The following MYO9B variants were observed in gnomAD, a reference collection of about 807,000 sequenced individuals.
MYO9B encodes myosin IXB.
Under a neutral mutation model 229.5 loss-of-function variants are expected in MYO9B, and 71 were observed. The observed-to-expected ratio is 0.31, with a 90% CI of 0.26 to 0.38. The LOEUF (loss-of-function observed/expected upper bound fraction) is 0.38, where lower values mean the gene tolerates loss of function less well. Among genes scored for constraint, MYO9B ranks in the 10% least tolerant of loss-of-function variants. The pLI is 1.00. For missense variants in MYO9B, 2,255 were observed against 2,920.5 expected, an observed-to-expected ratio of 0.77 and a Z score of 5.25; for synonymous variants, 1,185 against 1,235.8, an observed-to-expected ratio of 0.96 and a Z score of 0.86.
At chr19:17,112,116 C>T (rs1380920061) in intron 2 of MYO9B, among the ~76,000 whole-genome samples, 1 of 152,158 alleles carries the variant, frequency 6.6e-6, no homozygotes, top group Non-Finnish European at 1.5e-5. Context: ...GCCAGGCCAA[C>T]CTCCCCCATC....
At chr19:17,189,425 C>G (rs1180034322) in intron 19 of MYO9B, among the ~76,000 whole-genome samples, 1 of 151,378 alleles carries the variant, frequency 6.6e-6, no homozygotes, top group Non-Finnish European at 1.5e-5. Context: ...TGCTTGAGCT[C>G]AGGAGCTTAA....
At chr19:17,126,468 C>T (rs1288580420) in intron 2 of MYO9B, among the ~76,000 whole-genome samples, 1 of 152,174 alleles carries the variant, frequency 6.6e-6, no homozygotes, top group Admixed American at 6.6e-5. Context: ...GAAAACCAGA[C>T]AGTCTGTATT....
rs2072900836 is a variant in MYO9B at position 17,184,920 on chromosome 19, G to A, written c.2429G>A (p.Arg810His). 5 of 1,613,858 alleles carry A rather than the reference G, an allele frequency of 3.1e-6. No homozygotes were observed. The highest frequency in any genetic ancestry group is 2.2e-5 in the East Asian group (1 of 44,872). ...KLIISMTLHD[R>H]TTKSLLHLHK... The stretch of plus-strand genomic sequence containing the variant: ...ATCATCAGCATGACTCTGCACGACC[G>A]CACCACCAAGTCCCTACTGCACCTG... The change falls in exon 17 of 40, where the codon CGC (arginine) becomes CAC (histidine). Residue 810 changes from arginine (R) to histidine (H), a missense_variant. This residue lies in a region of MYO9B where 68 missense variants were observed against 133.5 expected (regional missense o/e 0.51). Coordinates refer to ENST00000682292, the MANE Select transcript of MYO9B (RefSeq NM_004145.4).
rs2057742748 is a variant in MYO9B at position 17,101,357 on chromosome 19, G to C, written c.-58-303G>C. 6.6e-6 allele frequency among the ~76,000 whole-genome samples: 1 copy of C among 151,898 alleles called. No individual in the cohort carries two copies. Among genetic ancestry groups the C allele is most frequent in the South Asian group, 2.1e-4 (1 of 4,810 alleles). Reference sequence around the variant, plus strand: ...TATGCCTTTATTTTTTGTAGAGACGGGGTCTCGCTATGTTGCCCAGGCTGG... The same window carrying C: ...TATGCCTTTATTTTTTGTAGAGACGCGGTCTCGCTATGTTGCCCAGGCTGG... On this transcript the variant is annotated intron_variant, in intron 1 of 39. Transcript: ENST00000682292. This position sits in a 1 kb window ranked among gnomAD's most constrained non-coding sequence, Gnocchi z 4.7.
chr19:17,111,005 C>G (rs2057842764), intron 2 of MYO9B, among the ~76,000 whole-genome samples: 2 of 152,178 alleles, frequency 1.3e-5, no homozygotes, highest in South Asian at 4.1e-4. Flanking sequence ...GCCACTAGCT[C>G]TGTTCCCCCA....
At chr19:17,131,947 A>T (rs1291269916) in intron 2 of MYO9B, among the ~76,000 whole-genome samples, 9 of 151,914 alleles carry the variant, frequency 5.9e-5, no homozygotes, top group Non-Finnish European at 1.3e-4. Flanking sequence ...TGGCACAATC[A>T]TGGCTCACTG....
At chr19:17,189,460 AC>A (rs35904975) in intron 19 of MYO9B, among the ~76,000 whole-genome samples, 68,601 of 151,746 alleles carry the variant, frequency 0.45, 16,321 homozygotes, top group East Asian at 0.74. Context: ...ACATGGTGAA[AC>A]CCCGTCTCCA....
At chr19:17,090,639 A>G (rs2057628770) in intron 1 of MYO9B, among the ~76,000 whole-genome samples, 1 of 152,164 alleles carries the variant, frequency 6.6e-6, no homozygotes, top group South Asian at 2.1e-4. Flanking sequence ...GGTCGTACTG[A>G]TGCTGTCAGC....
rs1204376578 is a variant in MYO9B at position 17,172,236 on chromosome 19, C to T, written c.1794-100C>T. On this transcript the variant is annotated intron_variant, in intron 11 of 39. Transcript: ENST00000682292. This position sits in a 1 kb window ranked among gnomAD's most constrained non-coding sequence, Gnocchi z 8.2. Reference sequence around the variant, plus strand: ...ACTTCACTGCTCTGCCCACCCCATGCACCCACCCACCTCGTGCACCAGGGG... The same window carrying T: ...ACTTCACTGCTCTGCCCACCCCATGTACCCACCCACCTCGTGCACCAGGGG... 5.4e-6 allele frequency: 8 copies of T among 1,473,344 alleles called. No individual in the cohort carries two copies. Among genetic ancestry groups the T allele is most frequent in the Non-Finnish European group, 7.3e-6 (8 of 1,092,256 alleles). The allele number at this position is 1,473,344 out of a possible 1,614,324, so 91.3% of individuals were successfully genotyped here.
chr19:17,141,716 G>T (rs565510266), intron 2 of MYO9B, among the ~76,000 whole-genome samples: 6 of 152,276 alleles, frequency 3.9e-5, no homozygotes, highest in Admixed American at 6.5e-5. Context: ...CATGGGAAGG[G>T]GGCACCCCAG....
chr19:17,143,103 G>T (rs1305391170), intron 2 of MYO9B, among the ~76,000 whole-genome samples: 2 of 152,156 alleles, frequency 1.3e-5, no homozygotes, highest in East Asian at 3.9e-4. Flanking sequence ...GCCAGGCGTG[G>T]TGGTGCACAC....
chr19:17,135,335 TTTATAGCCTGGGGG>T (rs2072255682), intron 2 of MYO9B, among the ~76,000 whole-genome samples: 1 of 152,090 alleles, frequency 6.6e-6, no homozygotes. Context: ...CGCTGTGGGT[TTTATAGCCTGGGGG>T]GACCATGGCA....
At position 17,192,806 on chromosome 19, in the gene MYO9B, C is replaced by G. The variant is rs573561699; in HGVS notation, c.2872C>G (p.Arg958Gly). 6.4e-7 allele frequency: 1 copy of G among 1,557,524 alleles called. No individual in the cohort carries two copies. Among genetic ancestry groups the G allele is most frequent in the South Asian group, 1.2e-5 (1 of 84,326 alleles). Residue 958 changes from arginine to glycine, a missense_variant, in exon 21 of 40, where the codon CGG becomes GGG. Transcript: ENST00000682292. The part of the protein sequence containing the change: ...LQETLHREVV[R>G]KILLLQSWFR... ...GGAGACGCTGCACCGGGAGGTGGTG[C>G]GGAAAATCCTGCTGCTGCAGAGCTG... is the stretch of plus-strand genomic sequence containing the variant.
chr19:17,080,855 C>T (rs1023552378), intron 1 of MYO9B, among the ~76,000 whole-genome samples: 11 of 145,746 alleles, frequency 7.5e-5, no homozygotes, highest in Middle Eastern at 3.4e-3. Context: ...GGTGACAGAA[C>T]GACACCCCCA....
chr19:17,208,454 C>CG (rs1221475282), intron 35 of MYO9B, among the ~76,000 whole-genome samples: 9 of 149,112 alleles, frequency 6.0e-5, no homozygotes, highest in Admixed American at 1.3e-4. Context: ...CTTTTTGAGA[C>CG]GGAGTCTCAC....
At chr19:17,207,076 G>A (rs535952212) in intron 34 of MYO9B, 37 bp from the exon 35 acceptor site, 23 of 1,604,902 alleles carry the variant, frequency 1.4e-5, no homozygotes, top group Middle Eastern at 4.0e-4. Flanking sequence ...TCCCTCCCTC[G>A]GCCCTAGCCA....
intron 13 of MYO9B, among the ~76,000 whole-genome samples, chr19:17,174,719 G>A (rs1324111957): frequency 6.6e-6 from 1 of 152,012 alleles, no homozygotes; most frequent in African/African-American, 2.4e-5. Context: ...TGGACCACGA[G>A]GTCAGGCGGT....
chr19:17,108,315 T>A (rs534156331), intron 2 of MYO9B, among the ~76,000 whole-genome samples: 29 of 152,252 alleles, frequency 1.9e-4, no homozygotes, highest in African/African-American at 6.5e-4. Flanking sequence ...TAAACGTGCT[T>A]CCTGGGGCGA....
chr19:17,168,199 C>G lies in MYO9B; in HGVS notation c.1793+135C>G, dbSNP rs147522671. ...TTTATTTTTGAGACAGGGTCTCACT[C>G]TGTCACCCAGGCTGGAGTGTAGTGG... On this transcript the variant is annotated intron_variant, in intron 11 of 39. Coordinates refer to ENST00000682292, the MANE Select transcript of MYO9B (RefSeq NM_004145.4). 3.5e-3 allele frequency: 4,349 copies of G among 1,247,860 alleles called. 177 individuals carry two copies. The Admixed American group carries it at 0.07, about 20-fold the overall frequency. 77.3% of individuals were successfully genotyped at this position (1,247,860 alleles called of 1,614,324 possible).
Sources: gnomAD v4.1 joint callset for allele counts (sites outside exome capture counted in the v4.1 genomes callset) on GRCh38, gnomAD v4.1.1 for gene constraint, gnomAD v4.1.1 regional missense constraint, Gnocchi (gnomAD v3.1) non-coding constraint, MANE v1.5 for transcripts, NCBI Gene and HGNC (gene_info 2026-07-23, HGNC 2026-07-21) for gene names.